Variants in C12orf42 observed in about 807,000 individuals in gnomAD.
C12orf42 encodes uncharacterized protein C12orf42.
Under a neutral mutation model 21.6 loss-of-function variants are expected in C12orf42, and 25 were observed. The ratio of observed to expected loss-of-function variants is 1.16; its 90% CI spans 0.84 to 1.62. C12orf42 has a LOEUF of 1.62. C12orf42 is among the 40% of genes most tolerant of loss of function. The pLI is 0.00. For missense variants in C12orf42, 483 were observed against 459.3 expected (o/e 1.05, Z -0.47); for synonymous variants, 174 against 175.0 (o/e 0.99, Z 0.05).
chr12:103,257,738 T>A (rs1001820493), intron 10 of C12orf42, among the ~76,000 whole-genome samples: 1 of 151,070 alleles, frequency 6.6e-6, no homozygotes, highest in Non-Finnish European at 1.5e-5. Context: ...GCAAAGAATA[T>A]CTAATATAGA....
intron 4 of C12orf42, among the ~76,000 whole-genome samples, chr12:103,348,215 T>C (rs1323227530): frequency 6.6e-6 from 1 of 151,708 alleles, no homozygotes; most frequent in Non-Finnish European, 1.5e-5. Context: ...TTGTACAGTC[T>C]ATCCCAGAAC....
the C12orf42 span, among the ~76,000 whole-genome samples, chr12:103,165,659 T>G: frequency 2.0e-5 from 3 of 152,154 alleles, no homozygotes; most frequent in Non-Finnish European, 4.4e-5. Context: ...TGGTGCTGTA[T>G]CAAGAGCTGT....
intron 2 of C12orf42, among the ~76,000 whole-genome samples, chr12:103,441,976 C>T (rs2137312599): frequency 6.6e-6 from 1 of 152,114 alleles, no homozygotes; most frequent in African/African-American, 2.4e-5. Context: ...GACCTCATCT[C>T]TACAAAAAAA....
At chr12:103,217,168 A>G in the C12orf42 span, among the ~76,000 whole-genome samples, 3 of 152,228 alleles carry the variant, frequency 2.0e-5, no homozygotes, top group Non-Finnish European at 2.9e-5. Flanking sequence ...TCTGGTTAAC[A>G]TGGTTATAAA....
the C12orf42 span, among the ~76,000 whole-genome samples, chr12:103,175,292 G>A: frequency 6.6e-6 from 1 of 151,772 alleles, no homozygotes; most frequent in African/African-American, 2.4e-5. Flanking sequence ...TAATAGTGGT[G>A]GGACAAAATG....
At chr12:103,352,601 T>C (rs1369982862) in intron 4 of C12orf42, among the ~76,000 whole-genome samples, 3 of 152,100 alleles carry the variant, frequency 2.0e-5, no homozygotes, top group African/African-American at 4.8e-5. Context: ...AAAGTCCCCG[T>C]GCACTAAGAA....
intron 4 of C12orf42, among the ~76,000 whole-genome samples, chr12:103,281,175 A>C (rs150400202): frequency 6.6e-6 from 1 of 152,244 alleles, no homozygotes; most frequent in Admixed American, 6.5e-5. Flanking sequence ...TTTACACAGA[A>C]TTGCAAGAAT....
chr12:103,139,561 A>G, the C12orf42 span, among the ~76,000 whole-genome samples: 36 of 152,304 alleles, frequency 2.4e-4, no homozygotes, highest in Middle Eastern at 6.8e-3. Flanking sequence ...AAAAGCAAAA[A>G]GACCAAAAAA....
chr12:103,314,213 T>A (rs2039244211), intron 4 of C12orf42, among the ~76,000 whole-genome samples: 1 of 150,410 alleles, frequency 6.6e-6, no homozygotes, highest in Non-Finnish European at 1.5e-5. Context: ...GCAGGAGAGG[T>A]GTTGGGAGGG....
the C12orf42 span, among the ~76,000 whole-genome samples, chr12:103,556,971 A>C: frequency 6.6e-6 from 1 of 151,026 alleles, no homozygotes; most frequent in Admixed American, 6.6e-5. Context: ...GCAAGGAAGG[A>C]TCCTCCCACA....
At chr12:103,184,715 C>T in the C12orf42 span, among the ~76,000 whole-genome samples, 2 of 50,260 alleles carry the variant, frequency 4.0e-5, no homozygotes, top group Admixed American at 4.0e-4. Context: ...ATTGTCACCC[C>T]CCCCCCCCCA....
chr12:103,138,409 G>A, the C12orf42 span, among the ~76,000 whole-genome samples: 28 of 152,188 alleles, frequency 1.8e-4, 1 homozygote, highest in South Asian at 5.6e-3. Context: ...CCCTTTGCTC[G>A]CTCGCTCTCT....
chr12:103,215,470 C>G, the C12orf42 span, among the ~76,000 whole-genome samples: 1 of 152,162 alleles, frequency 6.6e-6, no homozygotes, highest in Non-Finnish European at 1.5e-5. Context: ...GTATCCCTCT[C>G]CACAGAGAAG....
chr12:103,341,112 CAAAAAAAAAAAAA>C (rs34154888), intron 4 of C12orf42, among the ~76,000 whole-genome samples: 1 of 47,684 alleles, frequency 2.1e-5, no homozygotes. Flanking sequence ...GACTCTGTCT[CAAAAAAAAAAAAA>C]AAAAAAAAAA....
the C12orf42 span, among the ~76,000 whole-genome samples, chr12:103,208,868 G>A: frequency 6.6e-6 from 1 of 152,226 alleles, no homozygotes; most frequent in South Asian, 2.1e-4. Context: ...CATTATAAAA[G>A]CCCTCAGCTC....
chr12:103,295,593 G>A (rs1239893657), intron 4 of C12orf42, among the ~76,000 whole-genome samples: 1 of 152,152 alleles, frequency 6.6e-6, no homozygotes, highest in African/African-American at 2.4e-5. Flanking sequence ...AAAGGATATA[G>A]TGTATAAAAA....
At chr12:103,128,973 C>A in the C12orf42 span, among the ~76,000 whole-genome samples, 1 of 152,016 alleles carries the variant, frequency 6.6e-6, no homozygotes, top group Non-Finnish European at 1.5e-5. Flanking sequence ...GCATATGATA[C>A]AGAGAGGGTG....
At chr12:103,265,135 T>C (rs970464410), downstream of C12orf42, among the ~76,000 whole-genome samples, 2 of 152,142 alleles carry the variant, frequency 1.3e-5, no homozygotes, top group Non-Finnish European at 2.9e-5. Flanking sequence ...GTCTCTTTTA[T>C]AAGGGCACAA....
chr12:103,537,678 T>C, the C12orf42 span, among the ~76,000 whole-genome samples: 2 of 152,220 alleles, frequency 1.3e-5, no homozygotes, highest in African/African-American at 4.8e-5. Context: ...TCTGAAGGAC[T>C]GACCTCATTC....
Sources: allele counts gnomAD v4.1 joint callset (sites outside exome capture counted in the v4.1 genomes callset), GRCh38; gene constraint gnomAD v4.1.1; transcripts MANE v1.5; gene names NCBI Gene and HGNC (gene_info 2026-07-23, HGNC 2026-07-21).